The following THBS4 variants were observed in gnomAD, a reference collection of about 807,000 sequenced individuals.
The protein encoded by THBS4 is thrombospondin-4.
THBS4 carries 90 observed loss-of-function variants against 115.7 expected under a neutral mutation model. The ratio of observed to expected loss-of-function variants is 0.78; its 90% CI spans 0.66 to 0.93. The LOEUF (loss-of-function observed/expected upper bound fraction) is 0.93. Ranked by LOEUF, THBS4 falls within the 40% of genes least tolerant of loss-of-function variation. THBS4 has a pLI of 0.00. For missense variants in THBS4, 1,087 were observed against 1,232.7 expected (o/e 0.88, Z 1.77); for synonymous variants, 460 against 479.3 (o/e 0.96, Z 0.53).
intron 2 of THBS4, among the ~76,000 whole-genome samples, chr5:80,023,361 C>G (rs1345703775): frequency 6.6e-6 from 1 of 152,188 alleles, no homozygotes; most frequent in Non-Finnish European, 1.5e-5. Context: ...AGTATTTGCT[C>G]TGTTACAAAA....
intron 1 of THBS4, chr5:80,036,086 T>C: frequency 2.0e-6 from 2 of 987,626 alleles, no homozygotes; most frequent in Non-Finnish European, 2.4e-6. Flanking sequence ...TTACTCTACT[T>C]GCCCTGCCAC....
intron 13 of THBS4, 144 bp downstream of exon 13, chr5:80,071,324 G>A (rs1354905700): frequency 1.4e-6 from 2 of 1,391,168 alleles, no homozygotes; most frequent in Non-Finnish European, 1.9e-6. Context: ...AAGACCCAAG[G>A]TGGACTTGTG....
At chr5:80,046,530 G>A (rs757727669) in intron 2 of THBS4, among the ~76,000 whole-genome samples, 30 of 152,190 alleles carry the variant, frequency 2.0e-4, no homozygotes, top group Non-Finnish European at 4.3e-4. Context: ...ATGTATTTTG[G>A]GATTGCCCAG....
intron 2 of THBS4, among the ~76,000 whole-genome samples, chr5:80,019,306 TA>T (rs1430109437): frequency 6.6e-6 from 1 of 152,112 alleles, no homozygotes; most frequent in Non-Finnish European, 1.5e-5. Context: ...CCTTAATTTA[TA>T]AGATAGAAAT....
In THBS4 at chr5:80,061,293, C is replaced by G. The variant is rs559377436; in HGVS notation, c.988-402C>G. Among the ~76,000 whole-genome samples the G allele has an allele frequency of 2.0e-5, 3 of 152,212 alleles. No homozygotes were observed. The East Asian group carries it at 5.8e-4, about 29-fold the overall frequency. ...GGCACCGGCCCTGGCTTTGCCTTCT[C>G]GAGGTCTTTCTGATTGAGTAGTTGG... On this transcript the variant is annotated intron_variant, in intron 7 of 21. Transcript: ENST00000350881.
intron 2 of THBS4, among the ~76,000 whole-genome samples, chr5:80,006,353 A>G (rs1832019074): frequency 1.3e-5 from 2 of 152,234 alleles, no homozygotes; most frequent in Admixed American, 6.5e-5. Context: ...AAGTTTCACA[A>G]GATCTGATAG....
In THBS4 at chr5:80,072,353, G is replaced by A; in HGVS notation, c.1796G>A (p.Gly599Glu). ...DQRDKDGDGVGDACDSCPDVS... is the reference protein window; with the variant it reads ...DQRDKDGDGVEDACDSCPDVS... Reference sequence around the variant, plus strand: ...CGGGACAAGGATGGTGATGGTGTGGGGGATGCCTGTGACAGTTGTCCTGAT... The same window carrying A: ...CGGGACAAGGATGGTGATGGTGTGGAGGATGCCTGTGACAGTTGTCCTGAT... Residue 599 changes from glycine (G) to glutamate (E), a missense_variant, in exon 14 of 22, where the codon GGG becomes GAG. Around this residue, in one of 3 missense-constraint regions of THBS4, gnomAD observed 979 missense variants for 1,103.7 expected, o/e 0.89. Coordinates refer to ENST00000350881, the MANE Select transcript of THBS4 (RefSeq NM_003248.6). 1.2e-6 allele frequency: 2 copies of A among 1,614,186 alleles called. No homozygotes were observed. Among genetic ancestry groups the A allele is most frequent in the Non-Finnish European group, 8.5e-7 (1 of 1,180,030 alleles).
intron 7 of THBS4, among the ~76,000 whole-genome samples, chr5:80,061,039 T>G (rs147305699): frequency 6.6e-6 from 1 of 152,176 alleles, no homozygotes; most frequent in African/African-American, 2.4e-5. Flanking sequence ...AATCCCTCAA[T>G]TGGAGAAACA....
At position 80,083,091 on chromosome 5, in the gene THBS4, G is replaced by C; in HGVS notation, c.2836G>C (p.Glu946Gln). The change falls in exon 22 of 22, where the codon GAG becomes CAG. Residue 946 changes from glutamate to glutamine, a missense_variant. Around this residue, in one of 3 missense-constraint regions of THBS4, gnomAD observed 103 missense variants for 108.2 expected, o/e 0.95. Coordinates refer to ENST00000350881, the MANE Select transcript of THBS4 (RefSeq NM_003248.6). The stretch of plus-strand genomic sequence containing the variant: ...CATTCCTATTGCAGACACCATCCCT[G>C]AGGACTTCCAAGAGTTTCAAACCCA... ...LKYRCNDTIPEDFQEFQTQNF... is the reference protein window; with the variant it reads ...LKYRCNDTIPQDFQEFQTQNF... 6.2e-7 allele frequency: 1 copy of C among 1,614,090 alleles called. No homozygotes were observed. The highest frequency in any genetic ancestry group is 8.5e-7 in the Non-Finnish European group (1 of 1,179,898).
At chr5:79,996,000 G>A (rs901031209) in intron 1 of THBS4, among the ~76,000 whole-genome samples, 2 of 151,648 alleles carry the variant, frequency 1.3e-5, no homozygotes, top group African/African-American at 4.8e-5. Flanking sequence ...AGCTGGATGT[G>A]GTGGCGCACA....
chr5:80,045,376 A>C (rs1033540472), intron 2 of THBS4, among the ~76,000 whole-genome samples: 2 of 152,194 alleles, frequency 1.3e-5, no homozygotes, highest in Non-Finnish European at 2.9e-5. Context: ...AGGATAGGAC[A>C]TGTCAAATAG....
chr5:80,044,212 G>C (rs1188123915), intron 2 of THBS4, among the ~76,000 whole-genome samples: 2 of 152,096 alleles, frequency 1.3e-5, no homozygotes, highest in Admixed American at 6.5e-5. Flanking sequence ...ATTTGGTTGG[G>C]AGCTCTCTTG....
chr5:80,080,108 T>C (rs748474573), intron 20 of THBS4, 31 bp downstream of exon 20: 8 of 1,600,908 alleles, frequency 5.0e-6, no homozygotes, highest in South Asian at 3.4e-5. Flanking sequence ...CTTACCTTGC[T>C]CTAGAAGCAA....
intron 1 of THBS4, among the ~76,000 whole-genome samples, chr5:79,995,164 A>T (rs563502104): frequency 6.6e-6 from 1 of 152,342 alleles, no homozygotes; most frequent in South Asian, 2.1e-4. Context: ...GGGAATTTAT[A>T]GTTTTGAGAA....
rs2112085881 is a variant in THBS4, at chr5:80,056,034, TAG to T, written c.540+3_540+4del. The T allele has an allele frequency of 1.9e-6, 3 of 1,596,276 alleles. No individual in the cohort carries two copies. The highest frequency in any genetic ancestry group is 2.6e-6 in the Non-Finnish European group (3 of 1,168,294). ...AGGACTTTCCAGAGGAAGCCACAGG[TAG>T]GAACCCACAAACCATTCTCTGAAGT... On this transcript the variant is annotated splice_donor_region_variant and intron_variant, in intron 3 of 21. Coordinates refer to ENST00000350881, the MANE Select transcript of THBS4 (RefSeq NM_003248.6).
At chr5:80,024,244 A>G (rs1010115367) in intron 2 of THBS4, among the ~76,000 whole-genome samples, 1 of 152,156 alleles carries the variant, frequency 6.6e-6, no homozygotes, top group Non-Finnish European at 1.5e-5. Context: ...TGGCTTCCCA[A>G]GGTCATATAG....
At chr5:80,003,065 G>A (rs1831937248) in intron 2 of THBS4, among the ~76,000 whole-genome samples, 1 of 152,130 alleles carries the variant, frequency 6.6e-6, no homozygotes, top group South Asian at 2.1e-4. Context: ...ATCTGTTACA[G>A]GTGAGTGGGT....
At chr5:80,021,784 A>G (rs1487533358) in intron 2 of THBS4, among the ~76,000 whole-genome samples, 1 of 152,140 alleles carries the variant, frequency 6.6e-6, no homozygotes, top group Non-Finnish European at 1.5e-5. Context: ...CCTAAAGTAC[A>G]AGGATTACAG....
In THBS4 at chr5:80,083,065, C is replaced by G. The variant is rs772073637; in HGVS notation, c.2825-15C>G. The G allele has an allele frequency of 2.5e-6, 4 of 1,612,902 alleles. No individual in the cohort carries two copies. The highest frequency in any genetic ancestry group is 2.5e-6 in the Non-Finnish European group (3 of 1,178,844). The stretch of plus-strand genomic sequence containing the variant: ...AGGAGCCTCGCTAACCTCCCTGTGC[C>G]CATTCCTATTGCAGACACCATCCCT... On this transcript the variant is annotated splice_polypyrimidine_tract_variant and intron_variant, in intron 21 of 21. Transcript: ENST00000350881.
Sources: gnomAD v4.1 joint callset for allele counts (sites outside exome capture counted in the v4.1 genomes callset) on GRCh38, gnomAD v4.1.1 for gene constraint, gnomAD v4.1.1 regional missense constraint, MANE v1.5 for transcripts, NCBI Gene and HGNC (gene_info 2026-07-23, HGNC 2026-07-21) for gene names.